ARID1B: variants seen among roughly 807,000 people sequenced by gnomAD.
ARID1B encodes the protein AT-rich interaction domain 1B, also known as AT-rich interactive domain-containing protein 1B.
ARID1B carries 30 observed loss-of-function variants against 212.3 expected under a neutral mutation model. The observed-to-expected ratio is 0.14, with a 90% CI of 0.11 to 0.19. ARID1B has a LOEUF of 0.19. Ranked by LOEUF, ARID1B falls within the 10% of genes least tolerant of loss-of-function variation. The pLI is 1.00. For missense variants in ARID1B, 2,891 were observed against 3,204.0 expected (o/e 0.90, Z 2.36); for synonymous variants, 1,402 against 1,301.7 (o/e 1.08, Z -1.66).
intron 4 of ARID1B, among the ~76,000 whole-genome samples, chr6:157,052,598 G>A (rs1350648589): frequency 2.0e-5 from 3 of 152,210 alleles, no homozygotes; most frequent in African/African-American, 7.2e-5. Flanking sequence ...AGAATATCTT[G>A]TAAAGCAAAA....
intron 1 of ARID1B, among the ~76,000 whole-genome samples, chr6:156,828,407 G>C (rs1345577984): frequency 2.0e-5 from 3 of 152,144 alleles, no homozygotes; most frequent in Non-Finnish European, 4.4e-5. Flanking sequence ...GGGAAGGAAG[G>C]AGCTGCTGGG....
rs1205032319 is a variant in ARID1B at position 157,184,404 on chromosome 6, A to G, written c.3888A>G (p.Lys1296=). ...AAGTCTTCAGCACCGGGGACACCAA[A>G]AAGCAGCCCAAGCTCCAGCCGCCAT... The part of the protein sequence containing the change: ...PPEVFSTGDT[K]KQPKLQPPSP... Residue 1296 remains lysine (K), a synonymous_variant, in exon 13 of 20, where the codon AAA becomes AAG. Transcript: ENST00000636930. 5 of 1,613,932 alleles carry G rather than the reference A, an allele frequency of 3.1e-6. No individual in the cohort carries two copies. The African/African-American group carries it at 5.3e-5, about 17-fold the overall frequency.
intron 1 of ARID1B, among the ~76,000 whole-genome samples, chr6:156,823,144 G>A (rs1782480140): frequency 6.6e-6 from 1 of 152,066 alleles, no homozygotes; most frequent in African/African-American, 2.4e-5. Flanking sequence ...CTCTATGCCC[G>A]TGTGTAGTCC....
intron 1 of ARID1B, among the ~76,000 whole-genome samples, chr6:156,803,028 G>A (rs1667483024): frequency 6.6e-6 from 1 of 152,002 alleles, no homozygotes. Context: ...GGGTGTATGT[G>A]TGAGTATAAA....
rs1788656400 is a variant in ARID1B, at chr6:157,133,027, G to T, written c.2582-1G>T. ...TATGTTTCCATTTATTTCCCACTTAGGTTTTATGGCAGGCACACAAAGAAA... is the reference window on the plus strand; with the variant it reads ...TATGTTTCCATTTATTTCCCACTTATGTTTTATGGCAGGCACACAAAGAAA... On this transcript the variant is annotated splice_acceptor_variant, in intron 6 of 19. Coordinates refer to ENST00000636930, the MANE Select transcript of ARID1B (RefSeq NM_001374828.1). LOFTEE classifies it high-confidence loss of function. 6.3e-7 allele frequency: 1 copy of T among 1,596,536 alleles called. No individual in the cohort carries two copies. The highest frequency in any genetic ancestry group is 8.5e-7 in the Non-Finnish European group (1 of 1,173,768).
chr6:156,860,704 A>C (rs1037992926), intron 2 of ARID1B, among the ~76,000 whole-genome samples: 48 of 152,212 alleles, frequency 3.2e-4, no homozygotes, highest in African/African-American at 1.1e-3. Flanking sequence ...CATGTAATGG[A>C]ATCTTTAGTA....
chr6:157,159,456 AGCTGGTTACCT>A (rs1180870876), intron 8 of ARID1B, among the ~76,000 whole-genome samples: 1 of 152,222 alleles, frequency 6.6e-6, no homozygotes, highest in Non-Finnish European at 1.5e-5. Context: ...GAACAACTAA[AGCTGGTTACCT>A]GCATTGAAGC....
At position 157,201,415 on chromosome 6, in the gene ARID1B, C is replaced by A; in HGVS notation, c.5190C>A (p.Thr1730=). 1 of 1,574,974 alleles carries A rather than the reference C, an allele frequency of 6.3e-7. No individual in the cohort carries two copies. The highest frequency in any genetic ancestry group is 1.2e-5 in the South Asian group (1 of 85,942). Residue 1730 remains threonine (T), a synonymous_variant, in exon 18 of 20, where the codon ACC becomes ACA. Transcript: ENST00000636930. This position sits in a 1 kb window ranked among gnomAD's most constrained non-coding sequence, Gnocchi z 5.2. The part of the protein sequence containing the change: ...PQPPPIRREI[T]FPPGSVEASQ... ...CACCCCCAATCAGAAGGGAGATCAC[C>A]TTTCCTCCTGGCTCAGTAGAAGCAT...
At chr6:157,003,402 C>G (rs931168043) in intron 4 of ARID1B, among the ~76,000 whole-genome samples, 2 of 152,154 alleles carry the variant, frequency 1.3e-5, no homozygotes, top group African/African-American at 2.4e-5. Context: ...CATGGGGGCT[C>G]TGCCAGAGGA....
At chr6:156,944,848 A>C (rs17087934) in intron 4 of ARID1B, among the ~76,000 whole-genome samples, 17,130 of 152,118 alleles carry the variant, frequency 0.11, 1,057 homozygotes, top group East Asian at 0.23. Flanking sequence ...GTCTTTAATG[A>C]AACCCAAGCT....
At chr6:157,080,171 A>G (rs1197797225) in intron 4 of ARID1B, among the ~76,000 whole-genome samples, 1 of 152,224 alleles carries the variant, frequency 6.6e-6, no homozygotes, top group Non-Finnish European at 1.5e-5. Flanking sequence ...AGTGCTTGGC[A>G]GCTTTCTATG....
At chr6:156,809,901 G>A (rs1054636456) in intron 1 of ARID1B, among the ~76,000 whole-genome samples, 4 of 152,102 alleles carry the variant, frequency 2.6e-5, no homozygotes, top group African/African-American at 7.2e-5. Context: ...TTGTCATGTG[G>A]TCAGGTGGCA....
At chr6:156,965,187 AAC>A (rs1240598440) in intron 4 of ARID1B, among the ~76,000 whole-genome samples, 2 of 152,130 alleles carry the variant, frequency 1.3e-5, no homozygotes, top group Non-Finnish European at 2.9e-5. Context: ...TTATTTTTTA[AAC>A]ACAGTTTTTT....
At chr6:156,968,407 T>C (rs1794918527) in intron 4 of ARID1B, among the ~76,000 whole-genome samples, 1 of 152,190 alleles carries the variant, frequency 6.6e-6, no homozygotes. Flanking sequence ...TAGTCTGAAA[T>C]TGACTATTCA....
intron 4 of ARID1B, among the ~76,000 whole-genome samples, chr6:156,965,621 T>TA: frequency 6.6e-6 from 1 of 152,216 alleles, no homozygotes; most frequent in East Asian, 1.9e-4. Context: ...AAAAATTTGT[T>TA]ATAATACAAA....
intron 3 of ARID1B, among the ~76,000 whole-genome samples, chr6:156,925,198 A>G (rs985546486): frequency 6.6e-6 from 1 of 152,198 alleles, no homozygotes; most frequent in African/African-American, 2.4e-5. Flanking sequence ...GAAGCCAGGG[A>G]CTGCAGGTCC....
At chr6:156,977,252 G>A (rs892305126) in intron 4 of ARID1B, among the ~76,000 whole-genome samples, 19 of 146,202 alleles carry the variant, frequency 1.3e-4, no homozygotes, top group Non-Finnish European at 2.6e-4. Context: ...ATTCAAGTCA[G>A]TTTTTTTCTT....
chr6:156,979,347 G>T (rs1243149945), intron 4 of ARID1B, among the ~76,000 whole-genome samples: 2 of 152,190 alleles, frequency 1.3e-5, no homozygotes, highest in Non-Finnish European at 2.9e-5. Context: ...TAGGTGAACT[G>T]ACTCAGCTTT....
chr6:156,963,585 T>G (rs1187113573), intron 4 of ARID1B, among the ~76,000 whole-genome samples: 1 of 152,206 alleles, frequency 6.6e-6, no homozygotes, highest in Non-Finnish European at 1.5e-5. Flanking sequence ...AGTTGTCTTT[T>G]TTGTTATATT....
Sources: gnomAD v4.1 joint callset for allele counts (sites outside exome capture counted in the v4.1 genomes callset) on GRCh38, gnomAD v4.1.1 for gene constraint, Gnocchi (gnomAD v3.1) non-coding constraint, MANE v1.5 for transcripts, NCBI Gene and HGNC (gene_info 2026-07-23, HGNC 2026-07-21) for gene names.